The following TMEM132C variants were observed in gnomAD, a reference collection of about 807,000 sequenced individuals.
TMEM132C encodes transmembrane protein 132C, also known as protein phosphatase 1, regulatory subunit 152.
Under a neutral mutation model 61.4 loss-of-function variants are expected in TMEM132C, and 29 were observed. The ratio of observed to expected loss-of-function variants is 0.47; its 90% CI spans 0.35 to 0.64. The LOEUF (loss-of-function observed/expected upper bound fraction) is 0.64. Among genes scored for constraint, TMEM132C ranks in the 30% least tolerant of loss-of-function variants. TMEM132C has a pLI of 0.00. For synonymous variants in TMEM132C, 656 were observed against 633.1 expected (o/e 1.04, Z -0.54); for missense variants, 1,408 against 1,476.9 (o/e 0.95, Z 0.76).
intron 8 of TMEM132C, among the ~76,000 whole-genome samples, chr12:128,703,911 C>G (rs531963939): frequency 9.2e-5 from 14 of 152,334 alleles, no homozygotes; most frequent in African/African-American, 3.1e-4. Context: ...TCACCCTCCT[C>G]TATTCATGGG....
At chr12:128,522,704 C>A (rs1872948684) in intron 2 of TMEM132C, among the ~76,000 whole-genome samples, 1 of 152,098 alleles carries the variant, frequency 6.6e-6, no homozygotes, top group Non-Finnish European at 1.5e-5. Flanking sequence ...CATGTCTATC[C>A]AAAATGATTA....
At chr12:128,487,543 G>A (rs556231805) in intron 2 of TMEM132C, among the ~76,000 whole-genome samples, 4 of 151,302 alleles carry the variant, frequency 2.6e-5, no homozygotes, top group Admixed American at 6.6e-5. Flanking sequence ...CGTGAAAGGC[G>A]TAGATCTTAA....
intron 3 of TMEM132C, among the ~76,000 whole-genome samples, chr12:128,580,856 C>T (rs186105867): frequency 6.6e-6 from 1 of 152,292 alleles, no homozygotes; most frequent in East Asian, 1.9e-4. Flanking sequence ...TCTGTTGACA[C>T]TTTAGGCCAG....
At chr12:128,510,217 T>C (rs1379687872) in intron 2 of TMEM132C, among the ~76,000 whole-genome samples, 1 of 152,234 alleles carries the variant, frequency 6.6e-6, no homozygotes, top group Non-Finnish European at 1.5e-5. Flanking sequence ...ACTTCTTTTA[T>C]ATTGTGACTT....
chr12:128,274,521 C>A (rs1366885182), intron 1 of TMEM132C, among the ~76,000 whole-genome samples: 1 of 152,160 alleles, frequency 6.6e-6, no homozygotes, highest in Non-Finnish European at 1.5e-5. Flanking sequence ...ACCTTAATTG[C>A]TTATTACTAA....
intron 4 of TMEM132C, among the ~76,000 whole-genome samples, chr12:128,624,281 C>T (rs894069270): frequency 1.3e-5 from 2 of 151,996 alleles, no homozygotes; most frequent in African/African-American, 4.8e-5. Context: ...TGTGGTGGCT[C>T]AGGCCTGTAA....
At position 128,705,821 on chromosome 12, in the gene TMEM132C, G is replaced by A. The variant is rs1040322491; in HGVS notation, c.2853G>A (p.Lys951=). ...TCAACTGCGCCACCTTTGCCCTGAA[G>A]TACAGGCACAAGCAAGTGCCCCTGG... is the stretch of plus-strand genomic sequence containing the variant. The part of the protein sequence containing the change: ...FLINCATFAL[K]YRHKQVPLEG... Residue 951 remains lysine, a synonymous_variant, in exon 9 of 9, where the codon AAG becomes AAA. Transcript: ENST00000435159. 5.2e-6 allele frequency: 8 copies of A among 1,551,556 alleles called. No individual in the cohort carries two copies. In the African/African-American group the frequency reaches 6.8e-5, roughly 13 times the overall value.
At chr12:128,501,334 CATTTAAA>C (rs1226155387) in intron 2 of TMEM132C, among the ~76,000 whole-genome samples, 1 of 152,198 alleles carries the variant, frequency 6.6e-6, no homozygotes. Context: ...AGGAGACTGT[CATTTAAA>C]CCTCATCATC....
intron 2 of TMEM132C, among the ~76,000 whole-genome samples, chr12:128,475,713 G>T (rs112623605): frequency 0.065 from 9,939 of 152,180 alleles, 407 homozygotes; most frequent in Middle Eastern, 0.11. Context: ...AATATGTATC[G>T]CAATATTTGC....
chr12:128,622,339 G>T (rs1953969984), intron 4 of TMEM132C, among the ~76,000 whole-genome samples: 1 of 29,618 alleles, frequency 3.4e-5, no homozygotes, highest in Non-Finnish European at 8.2e-5. Flanking sequence ...GTGAGACTTT[G>T]TCTCAAAAAA....
chr12:128,586,049 T>C (rs982606601), intron 3 of TMEM132C, among the ~76,000 whole-genome samples: 3 of 152,098 alleles, frequency 2.0e-5, no homozygotes, highest in Non-Finnish European at 4.4e-5. Context: ...GCAAATTTTA[T>C]GTTATGTGCA....
intron 2 of TMEM132C, among the ~76,000 whole-genome samples, chr12:128,437,466 C>A (rs1024809117): frequency 2.6e-5 from 4 of 152,122 alleles, no homozygotes; most frequent in Admixed American, 1.3e-4. Flanking sequence ...CCAGGGCTCA[C>A]AAGATGGCCA....
chr12:128,331,741 G>C (rs999202114), intron 1 of TMEM132C, among the ~76,000 whole-genome samples: 2 of 152,158 alleles, frequency 1.3e-5, no homozygotes, highest in Non-Finnish European at 2.9e-5. Flanking sequence ...TACCAGTGTA[G>C]GTATCTTTCT....
chr12:128,284,168 A>C (rs1870984203), intron 1 of TMEM132C, among the ~76,000 whole-genome samples: 1 of 152,214 alleles, frequency 6.6e-6, no homozygotes, highest in Non-Finnish European at 1.5e-5. Context: ...TAGGAAAATA[A>C]CGTGAGCCAA....
intron 3 of TMEM132C, among the ~76,000 whole-genome samples, chr12:128,578,570 A>G (rs1262753223): frequency 6.6e-6 from 1 of 152,102 alleles, no homozygotes; most frequent in African/African-American, 2.4e-5. Context: ...TTACCTGAGA[A>G]TGGAAAATTA....
At chr12:128,596,742 T>C (rs540213603) in intron 3 of TMEM132C, among the ~76,000 whole-genome samples, 1 of 152,046 alleles carries the variant, frequency 6.6e-6, no homozygotes, top group African/African-American at 2.4e-5. Flanking sequence ...GGTACAGAGG[T>C]GGCAGGGCTT....
At chr12:128,287,362 T>G (rs909144552) in intron 1 of TMEM132C, among the ~76,000 whole-genome samples, 1 of 152,212 alleles carries the variant, frequency 6.6e-6, no homozygotes, top group Admixed American at 6.5e-5. Context: ...GCAAAAATAG[T>G]ACAAAGAGTC....
Position 128,324,457 on chromosome 12 carries a change from C to T in TMEM132C, c.85+56970C>T, listed in dbSNP as rs141690309. Among the ~76,000 whole-genome samples, 39 of 152,318 alleles carry T rather than the reference C, an allele frequency of 2.6e-4. No individual in the cohort carries two copies. The East Asian group carries it at 7.5e-3, about 29-fold the overall frequency. On this transcript the variant is annotated intron_variant, in intron 1 of 8. Transcript: ENST00000435159. ...CATGAGTGCATGTGTGTGGGTATCA[C>T]ATCCGTGTATGTCTGTCATAGCATA... is the stretch of plus-strand genomic sequence containing the variant.
chr12:128,389,187 G>A (rs555096257), intron 1 of TMEM132C, among the ~76,000 whole-genome samples: 2 of 152,280 alleles, frequency 1.3e-5, no homozygotes, highest in South Asian at 4.1e-4. Flanking sequence ...TAGTAAGCAC[G>A]CCCAAATTCC....
Sources: allele counts gnomAD v4.1 joint callset (sites outside exome capture counted in the v4.1 genomes callset), GRCh38; gene constraint gnomAD v4.1.1; transcripts MANE v1.5; gene names NCBI Gene and HGNC (gene_info 2026-07-23, HGNC 2026-07-21).